Variants in TNNI3K observed in about 807,000 individuals in gnomAD.
The protein encoded by TNNI3K is TNNI3 interacting kinase, also known as serine/threonine-protein kinase TNNI3K.
A neutral mutation model predicts 114.5 loss-of-function variants in TNNI3K; 140 were observed. The ratio of observed to expected loss-of-function variants is 1.22; its 90% CI spans 1.07 to 1.41. TNNI3K has a LOEUF of 1.41. TNNI3K is among the 40% of genes most tolerant of loss of function. TNNI3K has a pLI of 0.00. For missense variants in TNNI3K, 1,125 were observed against 1,007.6 expected (o/e 1.12, Z -1.58); for synonymous variants, 347 against 347.5 (o/e 1.00, Z 0.02).
At chr1:74,537,971 T>A (rs61778072) in intron 23 of TNNI3K, among the ~76,000 whole-genome samples, 74 of 152,190 alleles carry the variant, frequency 4.9e-4, no homozygotes, top group Non-Finnish European at 9.4e-4. Context: ...TATAGTTGTA[T>A]CACTGAGGTA....
At chr1:74,428,868 G>A (rs536021430) in intron 17 of TNNI3K, among the ~76,000 whole-genome samples, 2 of 152,184 alleles carry the variant, frequency 1.3e-5, no homozygotes, top group South Asian at 2.1e-4. Flanking sequence ...CCAGGAGTTC[G>A]AGGTTACAGT....
intron 23 of TNNI3K, among the ~76,000 whole-genome samples, chr1:74,535,852 C>G (rs538157189): frequency 1.4e-4 from 21 of 152,238 alleles, no homozygotes; most frequent in African/African-American, 4.6e-4. Flanking sequence ...ACAGATCTCC[C>G]CTTCTTACTT....
intron 5 of TNNI3K, among the ~76,000 whole-genome samples, chr1:74,327,954 C>T (rs1388485063): frequency 6.6e-6 from 1 of 151,174 alleles, no homozygotes; most frequent in Non-Finnish European, 1.5e-5. Flanking sequence ...AGAATATATA[C>T]CATGCAAAAA....
chr1:74,335,935 T>C (rs750197296), intron 6 of TNNI3K, 76 bp from the exon 7 acceptor site: 19 of 1,469,354 alleles, frequency 1.3e-5, no homozygotes, highest in African/African-American at 2.9e-5. Context: ...AAGCCAGTTG[T>C]GTTCTTGTAT....
At chr1:74,456,575 T>C (rs578158195) in intron 20 of TNNI3K, among the ~76,000 whole-genome samples, 61 of 152,322 alleles carry the variant, frequency 4.0e-4, no homozygotes, top group African/African-American at 1.4e-3. Context: ...TTGTATCCAT[T>C]CCCATTTCCT....
At chr1:74,277,206 T>C (rs921521769) in intron 5 of TNNI3K, among the ~76,000 whole-genome samples, 2 of 152,144 alleles carry the variant, frequency 1.3e-5, no homozygotes, top group African/African-American at 4.8e-5. Context: ...ACTGTCAGAC[T>C]CAGTTTATTA....
chr1:74,506,775 T>C (rs371930056), intron 23 of TNNI3K, among the ~76,000 whole-genome samples: 1 of 152,326 alleles, frequency 6.6e-6, no homozygotes, highest in South Asian at 2.1e-4. Flanking sequence ...AATGTCACCT[T>C]GCTCTTATCT....
intron 22 of TNNI3K, 103 bp downstream of exon 22, chr1:74,489,351 G>A: frequency 8.6e-7 from 1 of 1,163,858 alleles, no homozygotes. Context: ...TTACTGTGAG[G>A]ACCCATAACT....
chr1:74,252,277 GT>G (rs956925553), intron 4 of TNNI3K, among the ~76,000 whole-genome samples: 1 of 151,738 alleles, frequency 6.6e-6, no homozygotes, highest in Non-Finnish European at 1.5e-5. Flanking sequence ...CTATTTTTAT[GT>G]TTTTTTCTAT....
At chr1:74,412,275 C>A in intron 17 of TNNI3K, among the ~76,000 whole-genome samples, 1 of 152,156 alleles carries the variant, frequency 6.6e-6, no homozygotes, top group Non-Finnish European at 1.5e-5. Flanking sequence ...TCCCCTCCCC[C>A]ACTCCAAGGA....
intron 5 of TNNI3K, among the ~76,000 whole-genome samples, chr1:74,293,883 A>G (rs1048722305): frequency 1.3e-5 from 2 of 151,688 alleles, no homozygotes; most frequent in Non-Finnish European, 3.0e-5. Flanking sequence ...GTTTGCTAAG[A>G]ATTTAGTCCA....
intron 21 of TNNI3K, among the ~76,000 whole-genome samples, chr1:74,467,223 G>A (rs545738960): frequency 7.2e-5 from 11 of 152,272 alleles, no homozygotes; most frequent in African/African-American, 2.6e-4. Context: ...TTGTAGCCAT[G>A]GAGAGGTTAA....
rs1660075500 is a variant in TNNI3K at position 74,329,274 on chromosome 1, A to T, written c.445-2176A>T. On this transcript the variant is annotated intron_variant, in intron 5 of 24. Transcript: ENST00000326637. ...TTGGCATGAAACAGAGTAGACTTTG[A>T]TTACCACTGATACACTTGTTTCTGG... Among the ~76,000 whole-genome samples, 4 of 152,040 alleles carry T rather than the reference A, an allele frequency of 2.6e-5. No individual in the cohort carries two copies. The South Asian group carries it at 8.3e-4, about 32-fold the overall frequency.
At chr1:74,478,332 G>T (rs1404803200) in intron 21 of TNNI3K, among the ~76,000 whole-genome samples, 1 of 152,012 alleles carries the variant, frequency 6.6e-6, no homozygotes, top group African/African-American at 2.4e-5. Context: ...TAATTTATCA[G>T]AATTTATTCA....
chr1:74,500,910 G>A (rs538278707), intron 23 of TNNI3K, among the ~76,000 whole-genome samples: 455 of 151,542 alleles, frequency 3.0e-3, no homozygotes, highest in Non-Finnish European at 5.5e-3. Flanking sequence ...TTTATCTTTG[G>A]TATCCTACAG....
chr1:74,431,257 T>G (rs1173928608), intron 17 of TNNI3K, among the ~76,000 whole-genome samples: 1 of 152,110 alleles, frequency 6.6e-6, no homozygotes, highest in East Asian at 1.9e-4. Flanking sequence ...TATTAAGCAG[T>G]CTTCTGACTA....
intron 23 of TNNI3K, among the ~76,000 whole-genome samples, chr1:74,508,588 A>G (rs1428087817): frequency 6.6e-6 from 1 of 152,326 alleles, no homozygotes; most frequent in East Asian, 1.9e-4. Context: ...GGCAGACTGC[A>G]TTCAGAGGAT....
chr1:74,463,345 A>G (rs774316106), intron 20 of TNNI3K, 96 bp from the exon 21 acceptor site: 46 of 1,327,760 alleles, frequency 3.5e-5, no homozygotes, highest in Non-Finnish European at 4.9e-5. Context: ...TGTTGCTCAG[A>G]TTGATTTTTA....
intron 5 of TNNI3K, among the ~76,000 whole-genome samples, chr1:74,294,555 A>G (rs989075123): frequency 1.1e-4 from 16 of 152,160 alleles, no homozygotes; most frequent in African/African-American, 3.4e-4. Flanking sequence ...AAAATCAAAA[A>G]AAGTGTGGCT....
Sources: allele counts gnomAD v4.1 joint callset (sites outside exome capture counted in the v4.1 genomes callset), GRCh38; gene constraint gnomAD v4.1.1; transcripts MANE v1.5; gene names NCBI Gene and HGNC (gene_info 2026-07-23, HGNC 2026-07-21).